The following MSH3 variants were observed in gnomAD, a reference collection of about 807,000 sequenced individuals.
The protein encoded by MSH3 is mutS homolog 3, also known as DNA mismatch repair protein Msh3.
In MSH3, 106 loss-of-function variants were observed where a neutral mutation model predicts 123.3. The observed-to-expected ratio is 0.86, with a 90% CI of 0.73 to 1.01. MSH3 has a LOEUF of 1.01. MSH3 is among the 50% of genes least tolerant of loss of function. MSH3 has a pLI of 0.00. For synonymous variants in MSH3, 515 were observed against 481.4 expected, an observed-to-expected ratio of 1.07 and a Z score of -0.91; for missense variants, 1,459 against 1,347.6, an observed-to-expected ratio of 1.08 and a Z score of -1.29.
rs58588808 is a variant in MSH3 at position 80,735,381 on chromosome 5, C to CAAAA, written c.1569-6063_1569-6060dup. On this transcript the variant is annotated intron_variant, in intron 10 of 23. Transcript: ENST00000265081. The stretch of plus-strand genomic sequence containing the variant: ...CCTCGGTGACAGTGAGACTTCATCT[C>CAAAA]AAAAAAAAAAAAAAAAAAAAAAAGT... Among the ~76,000 whole-genome samples the CAAAA allele has an allele frequency of 3.2e-4, 19 of 59,596 alleles. 1 individual carries two copies. The highest frequency in any genetic ancestry group is 1.2e-3 in the African/African-American group (17 of 14,210). 39.1% of individuals were successfully genotyped at this position (59,596 alleles called of 152,430 possible). A position where few individuals can be genotyped will look rare whatever the true frequency, so the allele number is the denominator to read the frequency against.
chr5:80,677,407 A>G (rs932691656), intron 7 of MSH3, among the ~76,000 whole-genome samples: 1 of 152,212 alleles, frequency 6.6e-6, no homozygotes, highest in African/African-American at 2.4e-5. Context: ...TGATTAAAGA[A>G]AAAGGGAATT....
chr5:80,754,283 T>TA lies in MSH3; in HGVS notation c.1764-7263_1764-7262insA, dbSNP rs200493600. ...TTTGTTTAAAAAAGCAAATATGAAT[T>TA]TTATATATATATATATGAAATCTCT... On this transcript the variant is annotated intron_variant, in intron 12 of 23. Transcript: ENST00000265081. Among the ~76,000 whole-genome samples the TA allele has an allele frequency of 3.9e-3, 589 of 151,290 alleles. 3 individuals are homozygous for TA. The highest frequency in any genetic ancestry group is 6.8e-3 in the Middle Eastern group (2 of 294).
intron 19 of MSH3, among the ~76,000 whole-genome samples, chr5:80,793,335 C>T (rs1561480477): frequency 6.6e-6 from 1 of 152,152 alleles, no homozygotes; most frequent in Non-Finnish European, 1.5e-5. Flanking sequence ...TACTGAGTGC[C>T]TGTGTCTCAG....
Position 80,772,643 on chromosome 5 carries a change from A to G in MSH3, c.2254-3051A>G, listed in dbSNP as rs3797895. Among the ~76,000 whole-genome samples the G allele has an allele frequency of 1.1e-4, 17 of 152,352 alleles. No homozygotes were observed. The East Asian group carries it at 3.3e-3, about 29-fold the overall frequency. ...GTTGCTATGAGAGCTTTCTAAGATT[A>G]CTGGAATGTATGCTATTTTTCTATG... is the stretch of plus-strand genomic sequence containing the variant. On this transcript the variant is annotated intron_variant, in intron 15 of 23. Transcript: ENST00000265081.
intron 10 of MSH3, among the ~76,000 whole-genome samples, chr5:80,732,396 A>G (rs973564709): frequency 1.3e-5 from 2 of 152,174 alleles, no homozygotes; most frequent in African/African-American, 4.8e-5. Context: ...TTCTTATGAT[A>G]ACAGAATGAT....
intron 8 of MSH3, among the ~76,000 whole-genome samples, chr5:80,695,250 T>C (rs1005535432): frequency 1.6e-4 from 24 of 152,104 alleles, no homozygotes; most frequent in African/African-American, 5.3e-4. Context: ...TGTTTTTCAT[T>C]TCACTGATTG....
chr5:80,750,655 A>G (rs1015991884), intron 12 of MSH3, among the ~76,000 whole-genome samples: 1 of 151,926 alleles, frequency 6.6e-6, no homozygotes, highest in Non-Finnish European at 1.5e-5. Context: ...ATTTGCAGAT[A>G]TTTTCTCCTA....
At chr5:80,828,276 C>G (rs1035013677) in intron 20 of MSH3, among the ~76,000 whole-genome samples, 41 of 152,274 alleles carry the variant, frequency 2.7e-4, no homozygotes, top group African/African-American at 8.4e-4. Flanking sequence ...CAGACCCACT[C>G]TAGTGAAAGT....
intron 22 of MSH3, among the ~76,000 whole-genome samples, chr5:80,867,998 T>C (rs1746135158): frequency 6.6e-6 from 1 of 152,136 alleles, no homozygotes; most frequent in Non-Finnish European, 1.5e-5. Flanking sequence ...TCTTTGCCCG[T>C]TCCTATGTAC....
intron 20 of MSH3, among the ~76,000 whole-genome samples, chr5:80,814,904 A>G (rs759904834): frequency 4.6e-5 from 7 of 152,260 alleles, no homozygotes; most frequent in Non-Finnish European, 1.0e-4. Flanking sequence ...GAGAATTCGT[A>G]GTTTAATCTG....
At chr5:80,724,236 A>G (rs1159572543) in intron 8 of MSH3, among the ~76,000 whole-genome samples, 1 of 152,240 alleles carries the variant, frequency 6.6e-6, no homozygotes, top group Non-Finnish European at 1.5e-5. Context: ...TGGCATCTAT[A>G]TACTATGAAA....
chr5:80,820,700 A>G (rs948521066), intron 20 of MSH3, among the ~76,000 whole-genome samples: 7 of 152,254 alleles, frequency 4.6e-5, no homozygotes, highest in Non-Finnish European at 8.8e-5. Context: ...GTTTTGCCAC[A>G]GGACTCAAAA....
chr5:80,741,305 C>T (rs576357709), intron 10 of MSH3, among the ~76,000 whole-genome samples, 159 bp from the exon 11 acceptor site: 2 of 152,066 alleles, frequency 1.3e-5, no homozygotes, highest in Admixed American at 1.3e-4. Flanking sequence ...TAATGGACTA[C>T]AACAGCCTGA....
chr5:80,799,609 C>G (rs926255298), intron 19 of MSH3, among the ~76,000 whole-genome samples: 2 of 137,362 alleles, frequency 1.5e-5, no homozygotes, highest in African/African-American at 5.4e-5. Context: ...TGTACATCTG[C>G]TGACTTCAGG....
At chr5:80,693,596 T>G (rs1750392613) in intron 8 of MSH3, among the ~76,000 whole-genome samples, 1 of 106,154 alleles carries the variant, frequency 9.4e-6, no homozygotes, top group African/African-American at 3.8e-5. Context: ...TAAATATATA[T>G]AAACATACAT....
intron 20 of MSH3, among the ~76,000 whole-genome samples, chr5:80,824,339 C>T (rs1353873147): frequency 2.0e-5 from 3 of 151,846 alleles, no homozygotes; most frequent in Non-Finnish European, 4.4e-5. Flanking sequence ...ACCTCCCTCC[C>T]GGACGGGGCG....
In MSH3 at chr5:80,672,784, T is replaced by C. The variant is rs149662421; in HGVS notation, c.953T>C (p.Ile318Thr). ...ACTGAAACTGCAGCATTAAAGGCCA[T>C]TGGAGACAACAGAAGTTCACTCTTT... ...KQTETAALKA[I>T]GDNRSSLFSR... The change falls in exon 6 of 24, where the codon ATT becomes ACT. Residue 318 changes from isoleucine (I) to threonine (T), a missense_variant. Transcript: ENST00000265081. 8 of 1,614,182 alleles carry C rather than the reference T, an allele frequency of 5.0e-6. No homozygotes were observed. The highest frequency in any genetic ancestry group is 2.2e-5 in the East Asian group (1 of 44,864).
In MSH3 at chr5:80,861,659, A is replaced by G. The variant is rs1003473080; in HGVS notation, c.3001-3154A>G. 5.9e-5 allele frequency among the ~76,000 whole-genome samples: 9 copies of G among 152,244 alleles called. No individual in the cohort carries two copies. The East Asian group carries it at 1.7e-3, about 29-fold the overall frequency. On this transcript the variant is annotated intron_variant, in intron 21 of 23. Coordinates refer to ENST00000265081, the MANE Select transcript of MSH3 (RefSeq NM_002439.5). Reference sequence around the variant, plus strand: ...GAACTCCTGGGAGTAAAACTCACAAAAGTGTGCCCCCTTCCCCCATGACTC... The same window carrying G: ...GAACTCCTGGGAGTAAAACTCACAAGAGTGTGCCCCCTTCCCCCATGACTC...
intron 20 of MSH3, among the ~76,000 whole-genome samples, chr5:80,828,436 A>G (rs901062888): frequency 1.3e-5 from 2 of 152,206 alleles, no homozygotes; most frequent in Non-Finnish European, 2.9e-5. Flanking sequence ...TTCAATTTCA[A>G]TGTGAGTTTT....
Sources: gnomAD v4.1 joint callset for allele counts (sites outside exome capture counted in the v4.1 genomes callset) on GRCh38, gnomAD v4.1.1 for gene constraint, MANE v1.5 for transcripts, NCBI Gene and HGNC (gene_info 2026-07-23, HGNC 2026-07-21) for gene names.